The following CDH8 variants were observed in gnomAD, a reference collection of about 807,000 sequenced individuals.
The protein encoded by CDH8 is cadherin 8.
Under a neutral mutation model 68.1 loss-of-function variants are expected in CDH8, and 17 were observed. The observed-to-expected ratio is 0.25, with a 90% CI of 0.17 to 0.37. CDH8 has a LOEUF of 0.37. Ranked by LOEUF, CDH8 falls within the 10% of genes least tolerant of loss-of-function variation. CDH8 has a pLI of 1.00. For missense variants in CDH8, 763 were observed against 999.3 expected (o/e 0.76, Z 3.19); for synonymous variants, 372 against 365.1 (o/e 1.02, Z -0.21).
chr16:61,869,999 T>C (rs1834786009), intron 3 of CDH8, among the ~76,000 whole-genome samples: 1 of 152,340 alleles, frequency 6.6e-6, no homozygotes, highest in Middle Eastern at 3.4e-3. Flanking sequence ...CTTTTTAACA[T>C]TTGTACTACC....
chr16:61,891,193 C>T (rs1486451343), intron 3 of CDH8, among the ~76,000 whole-genome samples: 2 of 151,988 alleles, frequency 1.3e-5, no homozygotes, highest in East Asian at 3.8e-4. Context: ...CCATACAGGG[C>T]AATAAAATTG....
intron 8 of CDH8, among the ~76,000 whole-genome samples, chr16:61,772,621 T>G (rs1331106815): frequency 6.6e-6 from 1 of 152,082 alleles, no homozygotes; most frequent in Non-Finnish European, 1.5e-5. Context: ...AGAATTTGCT[T>G]TTCTTGTTTT....
chr16:61,719,914 G>C (rs1427470660), intron 9 of CDH8, among the ~76,000 whole-genome samples: 1 of 150,802 alleles, frequency 6.6e-6, no homozygotes, highest in East Asian at 2.0e-4. Flanking sequence ...CTAAATGCAA[G>C]AGAAACTTGT....
At chr16:61,719,000 A>G (rs1184261557) in intron 9 of CDH8, among the ~76,000 whole-genome samples, 37 of 151,332 alleles carry the variant, frequency 2.4e-4, no homozygotes, top group Admixed American at 2.4e-3. Flanking sequence ...AAAATGTAGT[A>G]CAAACATATT....
chr16:61,993,424 A>C (rs2150591166), intron 2 of CDH8, among the ~76,000 whole-genome samples: 1 of 152,036 alleles, frequency 6.6e-6, no homozygotes, highest in South Asian at 2.1e-4. Flanking sequence ...GGTTCAAGTG[A>C]TTCTCCTGCT....
chr16:61,668,147 T>A (rs1963716934), intron 10 of CDH8, among the ~76,000 whole-genome samples: 1 of 151,930 alleles, frequency 6.6e-6, no homozygotes, highest in Non-Finnish European at 1.5e-5. Context: ...AGATCTAAAT[T>A]CCATACTTTG....
rs550684299 is a variant in CDH8, at chr16:61,879,683, G to A, written c.547+21496C>T. Among the ~76,000 whole-genome samples, 42 of 152,136 alleles carry A rather than the reference G, an allele frequency of 2.8e-4. 1 individual carries two copies. The highest frequency in any genetic ancestry group is 4.6e-4 in the African/African-American group (19 of 41,520). The stretch of plus-strand genomic sequence containing the variant: ...TGCAATTGAAATCTTCAGAGAGAAC[G>A]TTTCTCATTTTCTTAGTTCTACCCT... On this transcript the variant is annotated intron_variant, in intron 3 of 11. Transcript: ENST00000577390.
intron 2 of CDH8, among the ~76,000 whole-genome samples, chr16:61,949,264 C>G (rs1405060733): frequency 1.3e-5 from 2 of 152,192 alleles, no homozygotes; most frequent in African/African-American, 4.8e-5. Flanking sequence ...ACTTGGAGAA[C>G]TTTTCTGTCT....
intron 3 of CDH8, among the ~76,000 whole-genome samples, chr16:61,894,092 C>T (rs755686934): frequency 1.3e-5 from 2 of 152,116 alleles, no homozygotes; most frequent in African/African-American, 4.8e-5. Context: ...GATGGAGATG[C>T]AGGGCAAACA....
chr16:61,869,924 G>A (rs1778471986), intron 3 of CDH8, among the ~76,000 whole-genome samples: 1 of 152,188 alleles, frequency 6.6e-6, no homozygotes, highest in Non-Finnish European at 1.5e-5. Flanking sequence ...AGGAGAAAAA[G>A]ACCATATACA....
chr16:61,988,453 C>G (rs908053153), intron 2 of CDH8, among the ~76,000 whole-genome samples: 1 of 152,114 alleles, frequency 6.6e-6, no homozygotes, highest in African/African-American at 2.4e-5. Context: ...CCAAGCCCTG[C>G]ATTTTCATTG....
In CDH8 at chr16:62,021,185, C is replaced by T. The variant is rs748003261; in HGVS notation, c.219G>A (p.Glu73=). The change falls in exon 2 of 12, where the codon GAG becomes GAA. Residue 73 remains glutamate, a synonymous_variant. Transcript: ENST00000577390. The part of the protein sequence containing the change: ...WVWNQMFVLE[E]FSGPEPILVG... The stretch of plus-strand genomic sequence containing the variant: ...CAAGAATCGGTTCAGGTCCAGAAAA[C>T]TCTTCCAGGACAAACATTTGATTCC... 7 of 1,614,020 alleles carry T rather than the reference C, an allele frequency of 4.3e-6. No homozygotes were observed. In the Admixed American group the frequency reaches 1.0e-4, roughly 23 times the overall value.
chr16:61,913,947 TCATAA>T (rs1479341925), intron 2 of CDH8, among the ~76,000 whole-genome samples: 2 of 152,076 alleles, frequency 1.3e-5, no homozygotes, highest in African/African-American at 4.8e-5. Flanking sequence ...CCCCAATAAC[TCATAA>T]CATAACAGGA....
intron 10 of CDH8, among the ~76,000 whole-genome samples, chr16:61,661,586 AAG>A (rs1426364682): frequency 2.0e-5 from 3 of 151,874 alleles, no homozygotes; most frequent in Non-Finnish European, 4.4e-5. Flanking sequence ...AGTTGCAACT[AAG>A]TGAGTCCTTA....
chr16:61,684,095 A>G (rs1326104409), intron 10 of CDH8, among the ~76,000 whole-genome samples: 1 of 152,006 alleles, frequency 6.6e-6, no homozygotes, highest in Admixed American at 6.6e-5. Context: ...TTGTGTCTTG[A>G]TAATTCCCTT....
At chr16:61,864,890 G>T (rs1340802275) in intron 3 of CDH8, among the ~76,000 whole-genome samples, 2 of 152,156 alleles carry the variant, frequency 1.3e-5, no homozygotes, top group Non-Finnish European at 2.9e-5. Context: ...CTCTTTTGTG[G>T]GTAATCAGTC....
chr16:61,741,404 C>A (rs1959868558), intron 8 of CDH8, among the ~76,000 whole-genome samples: 1 of 152,112 alleles, frequency 6.6e-6, no homozygotes, highest in Non-Finnish European at 1.5e-5. Context: ...TTGAATTCAT[C>A]AATATGTGCT....
At chr16:61,955,625 A>G (rs948995953) in intron 2 of CDH8, among the ~76,000 whole-genome samples, 4 of 152,110 alleles carry the variant, frequency 2.6e-5, no homozygotes, top group Admixed American at 2.6e-4. Flanking sequence ...TTTTTTAATT[A>G]CCATTTACAA....
At chr16:61,937,285 T>G (rs1964642094) in intron 2 of CDH8, among the ~76,000 whole-genome samples, 1 of 152,158 alleles carries the variant, frequency 6.6e-6, no homozygotes, top group Non-Finnish European at 1.5e-5. Flanking sequence ...AAGAGAGAGT[T>G]GCTTACTATA....
Sources: allele counts gnomAD v4.1 joint callset (sites outside exome capture counted in the v4.1 genomes callset), GRCh38; gene constraint gnomAD v4.1.1; transcripts MANE v1.5; gene names NCBI Gene and HGNC (gene_info 2026-07-23, HGNC 2026-07-21).